DSCAM: variants seen among roughly 807,000 people sequenced by gnomAD.
DSCAM encodes DS cell adhesion molecule.
A neutral mutation model predicts 217.7 loss-of-function variants in DSCAM; 47 were observed. That is an observed-to-expected ratio of 0.22 (90% CI 0.17 to 0.28). The LOEUF is 0.28. DSCAM is among the 10% of genes least tolerant of loss of function. DSCAM has a pLI of 1.00. For synonymous variants in DSCAM, 1,056 were observed against 1,015.3 expected, an observed-to-expected ratio of 1.04 and a Z score of -0.76; for missense variants, 2,080 against 2,618.3, an observed-to-expected ratio of 0.79 and a Z score of 4.49.
chr21:40,822,839 CAT>C (rs1376292369), intron 1 of DSCAM, among the ~76,000 whole-genome samples: 6 of 152,086 alleles, frequency 3.9e-5, no homozygotes, highest in African/African-American at 1.4e-4. Flanking sequence ...AGAATTTACA[CAT>C]AAACTTCTTA....
At chr21:40,798,124 C>T (rs1569041426) in intron 1 of DSCAM, among the ~76,000 whole-genome samples, 1 of 151,728 alleles carries the variant, frequency 6.6e-6, no homozygotes, top group African/African-American at 2.4e-5. Flanking sequence ...GATTTAGGGT[C>T]AAAAATATAC....
intron 1 of DSCAM, among the ~76,000 whole-genome samples, chr21:40,837,620 C>G (rs1263493253): frequency 6.6e-6 from 1 of 152,200 alleles, no homozygotes; most frequent in Non-Finnish European, 1.5e-5. Flanking sequence ...CTTGGGCTGC[C>G]AACTTAAACA....
At position 40,352,546 on chromosome 21, in the gene DSCAM, A is replaced by G. The variant is rs550443756; in HGVS notation, c.934+919T>C. 4.0e-5 allele frequency among the ~76,000 whole-genome samples: 6 copies of G among 151,362 alleles called. No individual in the cohort carries two copies. In the South Asian group the frequency reaches 1.3e-3, roughly 32 times the overall value. On this transcript the variant is annotated intron_variant, in intron 5 of 32. Coordinates refer to ENST00000400454, the MANE Select transcript of DSCAM (RefSeq NM_001389.5). ...CAGTCTACACTCAGGTTGACACTGAAGAGAAAGTTCCATAAACAGGGTTAG... is the reference window on the plus strand; with the variant it reads ...CAGTCTACACTCAGGTTGACACTGAGGAGAAAGTTCCATAAACAGGGTTAG...
At chr21:40,321,621 T>A (rs2074260439) in intron 8 of DSCAM, among the ~76,000 whole-genome samples, 1 of 152,000 alleles carries the variant, frequency 6.6e-6, no homozygotes, top group African/African-American at 2.4e-5. Context: ...TCATTCTTTT[T>A]TTTTTTTTTT....
At chr21:40,243,647 C>T (rs756663893) in intron 11 of DSCAM, among the ~76,000 whole-genome samples, 10 of 152,212 alleles carry the variant, frequency 6.6e-5, no homozygotes, top group Non-Finnish European at 1.5e-4. Flanking sequence ...TGTGACATGG[C>T]AGCCTTCTAA....
chr21:40,224,496 C>T (rs1353898709), intron 11 of DSCAM, among the ~76,000 whole-genome samples: 1 of 152,126 alleles, frequency 6.6e-6, no homozygotes, highest in East Asian at 1.9e-4. Context: ...AGAAGTCTGG[C>T]TAGAGGCAAT....
chr21:40,044,161 T>A lies in DSCAM; in HGVS notation c.5300A>T (p.Asp1767Val), dbSNP rs1482865798. The change falls in exon 31 of 33, where the codon GAC (aspartate) becomes GTC (valine). Residue 1767 changes from aspartate (D) to valine (V), a missense_variant. By Grantham distance (152) the Asp-to-Val change is radical (BLOSUM62 -3). Around this residue, in one of 5 missense-constraint regions of DSCAM, gnomAD observed 1,144 missense variants for 1,421.1 expected, o/e 0.81. Coordinates refer to ENST00000400454, the MANE Select transcript of DSCAM (RefSeq NM_001389.5). Reference sequence around the variant, plus strand: ...AGCCCTGGGTGTTGGCAGCCTCCAGTCTGTGGTGAGGGTGTGTGCTGAGAT... The same window carrying A: ...AGCCCTGGGTGTTGGCAGCCTCCAGACTGTGGTGAGGGTGTGTGCTGAGAT... The part of the protein sequence containing the change: ...PTISAHTLTT[D>V]WRLPTPRAAG... 1 of 1,614,158 alleles carries A rather than the reference T, an allele frequency of 6.2e-7. No individual in the cohort carries two copies. The highest frequency in any genetic ancestry group is 8.5e-7 in the Non-Finnish European group (1 of 1,180,026).
At chr21:40,800,565 A>G (rs1325457816) in intron 1 of DSCAM, among the ~76,000 whole-genome samples, 2 of 152,154 alleles carry the variant, frequency 1.3e-5, no homozygotes, top group East Asian at 1.9e-4. Context: ...AAGGTATTGA[A>G]ATTTTGAGTA....
chr21:40,376,481 T>A (rs2074954418), intron 3 of DSCAM, among the ~76,000 whole-genome samples: 1 of 130,484 alleles, frequency 7.7e-6, no homozygotes, highest in Non-Finnish European at 1.6e-5. Flanking sequence ...TATCTATATA[T>A]CTTATATAGA....
At chr21:40,134,142 C>A in intron 18 of DSCAM, 133 bp from the exon 19 acceptor site, 1 of 1,155,698 alleles carries the variant, frequency 8.7e-7, no homozygotes, top group Non-Finnish European at 1.2e-6. Flanking sequence ...CGAGAATTCT[C>A]AAAGGGACTG....
intron 1 of DSCAM, among the ~76,000 whole-genome samples, chr21:40,720,751 A>G (rs1601170420): frequency 6.6e-6 from 1 of 152,042 alleles, no homozygotes; most frequent in Non-Finnish European, 1.5e-5. Context: ...AGTTTCTAAG[A>G]TAATTCCAAA....
intron 3 of DSCAM, among the ~76,000 whole-genome samples, chr21:40,498,728 G>GATAT (rs2076145492): frequency 7.5e-5 from 1 of 13,290 alleles, no homozygotes; most frequent in Non-Finnish European, 1.4e-4. Flanking sequence ...TATATATATG[G>GATAT]GTGTGTGTAT....
At position 40,238,351 on chromosome 21, in the gene DSCAM, C is replaced by A. The variant is rs546208027; in HGVS notation, c.2356+37746G>T. 2.0e-5 allele frequency among the ~76,000 whole-genome samples: 3 copies of A among 152,290 alleles called. 1 individual carries two copies. In the South Asian group the frequency reaches 6.2e-4, roughly 32 times the overall value. On this transcript the variant is annotated intron_variant, in intron 11 of 32. Transcript: ENST00000400454. ...TCCAGGTGGAGGAACTGAAAATGGGCCAGACTTTGGCTCATGAGAATCTCC... is the reference window on the plus strand; with the variant it reads ...TCCAGGTGGAGGAACTGAAAATGGGACAGACTTTGGCTCATGAGAATCTCC...
intron 24 of DSCAM, among the ~76,000 whole-genome samples, chr21:40,082,443 G>C (rs1201651420): frequency 1.3e-5 from 2 of 152,226 alleles, no homozygotes; most frequent in Non-Finnish European, 1.5e-5. Flanking sequence ...CTGGGCGACA[G>C]AGTGAGACTC....
At chr21:40,245,794 C>G (rs570804854) in intron 11 of DSCAM, among the ~76,000 whole-genome samples, 1 of 152,142 alleles carries the variant, frequency 6.6e-6, no homozygotes, top group African/African-American at 2.4e-5. Context: ...AAATCAATGA[C>G]GCTTTCATAC....
intron 4 of DSCAM, among the ~76,000 whole-genome samples, chr21:40,361,062 A>C: frequency 6.6e-6 from 1 of 151,902 alleles, no homozygotes; most frequent in East Asian, 1.9e-4. Flanking sequence ...AATCTGAATA[A>C]CCGAACGGCA....
intron 3 of DSCAM, among the ~76,000 whole-genome samples, chr21:40,560,638 T>C (rs908598541): frequency 2.0e-5 from 3 of 152,240 alleles, no homozygotes; most frequent in African/African-American, 7.2e-5. Flanking sequence ...CATCATAGCT[T>C]AGCCTAGCCT....
intron 11 of DSCAM, among the ~76,000 whole-genome samples, chr21:40,265,548 GC>G (rs1189038210): frequency 6.6e-6 from 1 of 151,284 alleles, no homozygotes. Context: ...GAAATCCGAA[GC>G]AAAAAGATTT....
chr21:40,456,498 G>A (rs1454091486), intron 3 of DSCAM, among the ~76,000 whole-genome samples: 2 of 152,026 alleles, frequency 1.3e-5, no homozygotes, highest in Non-Finnish European at 2.9e-5. Context: ...AGGAATTGCA[G>A]GGGCTGTAAA....
Sources: gnomAD v4.1 joint callset for allele counts (sites outside exome capture counted in the v4.1 genomes callset) on GRCh38, gnomAD v4.1.1 for gene constraint, gnomAD v4.1.1 regional missense constraint, MANE v1.5 for transcripts, NCBI Gene and HGNC (gene_info 2026-07-23, HGNC 2026-07-21) for gene names.